Variants in ESRRB observed in about 807,000 individuals in gnomAD.
ESRRB encodes steroid hormone receptor ERR2.
ESRRB carries 16 observed loss-of-function variants against 46.0 expected under a neutral mutation model. That is an observed-to-expected ratio of 0.35 (90% confidence interval 0.24 to 0.53). The LOEUF is 0.53. Ranked by LOEUF, ESRRB falls within the 20% of genes least tolerant of loss-of-function variation. ESRRB has a pLI of 0.93. For synonymous variants in ESRRB, 246 were observed against 259.6 expected, an observed-to-expected ratio of 0.95 and a Z score of 0.50; for missense variants, 488 against 607.4, an observed-to-expected ratio of 0.80 and a Z score of 2.07.
intron 1 of ESRRB, among the ~76,000 whole-genome samples, chr14:76,425,593 C>T (rs1032204628): frequency 6.6e-6 from 1 of 152,108 alleles, no homozygotes; most frequent in Admixed American, 6.5e-5. Context: ...TTTCCCTGTG[C>T]GGCCCCTCCC....
chr14:76,427,381 G>A (rs1887250430), intron 1 of ESRRB, among the ~76,000 whole-genome samples: 1 of 151,994 alleles, frequency 6.6e-6, no homozygotes, highest in Admixed American at 6.6e-5. Context: ...ACGTGTACAT[G>A]CATGTGCACA....
At chr14:76,466,945 G>T (rs1889138964) in intron 3 of ESRRB, among the ~76,000 whole-genome samples, 1 of 151,800 alleles carries the variant, frequency 6.6e-6, no homozygotes, top group African/African-American at 2.4e-5. Flanking sequence ...GATGGTCTCA[G>T]TCTCAACCTT....
At chr14:76,457,131 C>T (rs1273339344) in intron 2 of ESRRB, among the ~76,000 whole-genome samples, 2 of 152,154 alleles carry the variant, frequency 1.3e-5, no homozygotes, top group African/African-American at 4.8e-5. Context: ...CTCCGGGAAG[C>T]ACAGGATCAA....
At chr14:76,323,650 C>A (rs2139729114) in intron 1 of ESRRB, among the ~76,000 whole-genome samples, 1 of 152,286 alleles carries the variant, frequency 6.6e-6, no homozygotes, top group Non-Finnish European at 1.5e-5. Flanking sequence ...AGTTCCCATG[C>A]TGGGGAGGGG....
At chr14:76,368,126 C>CT (rs751709764), upstream of ESRRB, among the ~76,000 whole-genome samples, 4,244 of 124,142 alleles carry the variant, frequency 0.034, 93 homozygotes, top group African/African-American at 0.042. Context: ...CTAATTTTTC[C>CT]TTTTTTTTTT....
chr14:76,346,038 T>G (rs1038878313), intron 1 of ESRRB, among the ~76,000 whole-genome samples: 2 of 152,132 alleles, frequency 1.3e-5, no homozygotes, highest in African/African-American at 4.8e-5. Context: ...TCTCCTGGTA[T>G]CCGGTGGTTG....
intron 5 of ESRRB, among the ~76,000 whole-genome samples, chr14:76,484,833 T>G (rs1340114353): frequency 2.0e-5 from 3 of 152,262 alleles, no homozygotes; most frequent in African/African-American, 7.2e-5. Flanking sequence ...TGCAAGATAC[T>G]GAATTTTTCG....
chr14:76,369,158 C>T (rs555146676), upstream of ESRRB, among the ~76,000 whole-genome samples: 13 of 149,006 alleles, frequency 8.7e-5, no homozygotes, highest in African/African-American at 3.2e-4. Context: ...GATGGTGCCA[C>T]TGCACTCCAG....
At chr14:76,452,318 C>T (rs922918773) in intron 2 of ESRRB, among the ~76,000 whole-genome samples, 1 of 151,980 alleles carries the variant, frequency 6.6e-6, no homozygotes, top group African/African-American at 2.4e-5. Context: ...AGAAGTTAGG[C>T]TTGAGGAACT....
intron 1 of ESRRB, among the ~76,000 whole-genome samples, chr14:76,419,574 T>A (rs1255467606): frequency 6.6e-6 from 1 of 152,158 alleles, no homozygotes; most frequent in Non-Finnish European, 1.5e-5. Flanking sequence ...CTGGTGAGAC[T>A]GATTACCCTG....
chr14:76,368,829 C>T (rs1020624017), upstream of ESRRB, among the ~76,000 whole-genome samples: 7 of 152,200 alleles, frequency 4.6e-5, no homozygotes, highest in African/African-American at 1.7e-4. Flanking sequence ...ACCAATGGGA[C>T]TGTTTTAATT....
chr14:76,489,153 A>G (rs1287708332), intron 5 of ESRRB, among the ~76,000 whole-genome samples: 3 of 150,890 alleles, frequency 2.0e-5, no homozygotes, highest in African/African-American at 7.3e-5. Context: ...TCTCTCCACC[A>G]CCTTCCAATT....
rs189125114 is a variant in ESRRB, at chr14:76,499,396, G to A, written c.*938G>A. On this transcript the variant is annotated 3_prime_UTR_variant, in exon 7 of 7. Coordinates refer to ENST00000644823, the MANE Select transcript of ESRRB (RefSeq NM_001379180.1). Reference sequence around the variant, plus strand: ...GCCTGGCTCCATCCAAGAGCACCCCGGGGGGAGGATCAGGACAGGATGGAC... The same window carrying A: ...GCCTGGCTCCATCCAAGAGCACCCCAGGGGGAGGATCAGGACAGGATGGAC... 833 of 261,510 alleles carry A rather than the reference G, an allele frequency of 3.2e-3. 7 individuals carry two copies. Among genetic ancestry groups the A allele is most frequent in the African/African-American group, 0.017 (770 of 45,528 alleles). The allele number at this position is 261,510 out of a possible 1,614,324, so 16.2% of individuals were successfully genotyped here. A position where few individuals can be genotyped will look rare whatever the true frequency, so the allele number is the denominator to read the frequency against.
At chr14:76,404,569 C>T (rs749976758) in intron 1 of ESRRB, 5 of 152,870 alleles carry the variant, frequency 3.3e-5, no homozygotes, top group Non-Finnish European at 7.3e-5. Flanking sequence ...AAATGGCAGT[C>T]AGCGTTGCAG....
chr14:76,395,133 G>A (rs1004944930), intron 1 of ESRRB, among the ~76,000 whole-genome samples: 1 of 152,180 alleles, frequency 6.6e-6, no homozygotes, highest in African/African-American at 2.4e-5. Flanking sequence ...GTGGGAGGAG[G>A]AGATAGAGAG....
At position 76,329,424 on chromosome 14, in the gene ESRRB, T is replaced by C. The variant is rs576127231; in HGVS notation, c.2+18508T>C. ...GAATCCCAATGCCGGCTGGCCCAGC[T>C]GGAAACAGCTGTGCACAGCAGAAAG... On this transcript the variant is annotated intron_variant, in intron 1 of 6. Transcript: ENST00000512784. Among the ~76,000 whole-genome samples the C allele has an allele frequency of 9.2e-5, 14 of 152,208 alleles. 1 individual carries two copies. In the South Asian group the frequency reaches 2.9e-3, roughly 32 times the overall value.
intron 1 of ESRRB, among the ~76,000 whole-genome samples, chr14:76,340,112 A>G (rs1241781443): frequency 6.6e-6 from 1 of 152,158 alleles, no homozygotes; most frequent in African/African-American, 2.4e-5. Flanking sequence ...TGGGGAGCCC[A>G]GGAGGCCGGA....
chr14:76,417,142 CAAA>C (rs369795725), intron 1 of ESRRB, among the ~76,000 whole-genome samples: 1 of 151,686 alleles, frequency 6.6e-6, no homozygotes, highest in Non-Finnish European at 1.5e-5. Flanking sequence ...ATCTCAAAAA[CAAA>C]AAAAGAAAGA....
At chr14:76,322,519 T>C (rs1883879914) in intron 1 of ESRRB, among the ~76,000 whole-genome samples, 2 of 152,200 alleles carry the variant, frequency 1.3e-5, no homozygotes, top group African/African-American at 4.8e-5. Flanking sequence ...CACCATCCCA[T>C]AGACAATGTT....
Sources: allele counts gnomAD v4.1 joint callset (sites outside exome capture counted in the v4.1 genomes callset), GRCh38; gene constraint gnomAD v4.1.1; transcripts MANE v1.5; gene names NCBI Gene and HGNC (gene_info 2026-07-23, HGNC 2026-07-21).